The following ANO4 variants were observed in gnomAD, a reference collection of about 807,000 sequenced individuals.
ANO4 encodes anoctamin 4, also known as anoctamin-4.
Under a neutral mutation model 141.9 loss-of-function variants are expected in ANO4, and 69 were observed. The observed-to-expected ratio is 0.49, with a 90% CI of 0.40 to 0.59. The LOEUF is 0.59. Ranked by LOEUF, ANO4 falls within the 20% of genes least tolerant of loss-of-function variation. The pLI is 0.00. For missense variants in ANO4, 894 were observed against 1,162.2 expected (o/e 0.77, Z 3.36); for synonymous variants, 350 against 394.3 (o/e 0.89, Z 1.33).
rs562113979 is a variant in ANO4, at chr12:100,951,086, A to G, written c.456+8551A>G. Among the ~76,000 whole-genome samples the G allele has an allele frequency of 4.6e-5, 7 of 152,346 alleles. No individual in the cohort carries two copies. The South Asian group carries it at 1.5e-3, about 32-fold the overall frequency. The stretch of plus-strand genomic sequence containing the variant: ...TGGCCAACAAGCATATTAAAAGCTC[A>G]ATATCACTAATCATTAGAGAAATGT... On this transcript the variant is annotated intron_variant, in intron 5 of 27. Transcript: ENST00000392977.
At chr12:100,959,843 C>T (rs2043334195) in intron 5 of ANO4, among the ~76,000 whole-genome samples, 2 of 152,158 alleles carry the variant, frequency 1.3e-5, no homozygotes, top group African/African-American at 2.4e-5. Context: ...GTATCTCCAT[C>T]TTCCTGTGAC....
intron 3 of ANO4, among the ~76,000 whole-genome samples, chr12:100,742,834 G>A (rs1421676915): frequency 6.6e-6 from 1 of 152,078 alleles, no homozygotes; most frequent in Non-Finnish European, 1.5e-5. Context: ...CCTTCATTGT[G>A]TGACTAACTT....
chr12:100,865,645 G>A lies in ANO4; in HGVS notation c.-140-36001G>A, dbSNP rs527258479. On this transcript the variant is annotated intron_variant, in intron 1 of 27. Coordinates refer to ENST00000392977, the MANE Select transcript of ANO4 (RefSeq NM_001286615.2). ...CAGTTAGAATGGTGATCATTAAAAA[G>A]TCAGGAAACAAAATTTGCATTTTAT... Among the ~76,000 whole-genome samples, 44 of 152,234 alleles carry A rather than the reference G, an allele frequency of 2.9e-4. No individual in the cohort carries two copies. The East Asian group carries it at 5.8e-3, about 20-fold the overall frequency.
chr12:101,013,650 A>C (rs997707671), intron 8 of ANO4, among the ~76,000 whole-genome samples: 1 of 152,276 alleles, frequency 6.6e-6, no homozygotes, highest in South Asian at 2.1e-4. Flanking sequence ...TAGCTACTTA[A>C]ATTTAATTTT....
chr12:100,989,621 A>ATGGATG (rs2044958441), intron 8 of ANO4, among the ~76,000 whole-genome samples: 1 of 103,196 alleles, frequency 9.7e-6, no homozygotes, highest in African/African-American at 3.4e-5. Flanking sequence ...ATGGATGGAT[A>ATGGATG]GATGGATGGA....
intron 1 of ANO4, among the ~76,000 whole-genome samples, chr12:100,819,156 T>C (rs1169844097): frequency 1.3e-5 from 2 of 151,808 alleles, no homozygotes; most frequent in Non-Finnish European, 2.9e-5. Flanking sequence ...GATGCAATAG[T>C]AATTTTCAAT....
chr12:100,927,199 G>T (rs563550832), intron 3 of ANO4, among the ~76,000 whole-genome samples: 1 of 152,206 alleles, frequency 6.6e-6, no homozygotes, highest in Non-Finnish European at 1.5e-5. Context: ...TAGGACCTTT[G>T]CACAGTTCTG....
At chr12:100,918,765 C>T (rs1366379664) in intron 2 of ANO4, among the ~76,000 whole-genome samples, 1 of 152,000 alleles carries the variant, frequency 6.6e-6, no homozygotes, top group Admixed American at 6.6e-5. Context: ...CTTATATACT[C>T]TACCTTTTAT....
intron 1 of ANO4, among the ~76,000 whole-genome samples, chr12:100,812,302 G>A (rs1475356742): frequency 2.6e-5 from 4 of 152,092 alleles, no homozygotes; most frequent in African/African-American, 4.8e-5. Context: ...CCTGATGATG[G>A]TGCCTTGTGT....
intron 3 of ANO4, among the ~76,000 whole-genome samples, chr12:100,935,255 A>G (rs1480820480): frequency 4.6e-5 from 7 of 152,176 alleles, no homozygotes; most frequent in African/African-American, 1.7e-4. Context: ...TATTATTTTG[A>G]GATACATTCC....
chr12:100,907,039 T>C (rs1373772327), intron 2 of ANO4, among the ~76,000 whole-genome samples: 1 of 152,186 alleles, frequency 6.6e-6, no homozygotes, highest in Non-Finnish European at 1.5e-5. Context: ...TTGTCTTCAG[T>C]GGTTCTCTCA....
intron 8 of ANO4, among the ~76,000 whole-genome samples, chr12:100,987,937 A>C (rs2044793293): frequency 6.6e-6 from 1 of 152,216 alleles, no homozygotes; most frequent in Admixed American, 6.5e-5. Flanking sequence ...ACAGAAAGGC[A>C]GTGACCCAGG....
In ANO4 at chr12:100,824,679, G is replaced by A. The variant is rs555999852; in HGVS notation, c.-141+29652G>A. Reference sequence around the variant, plus strand: ...AACACCCAAATGTGTGATGCATAAAGCAACATTGGCAGCCAGTGGGGAAGA... The same window carrying A: ...AACACCCAAATGTGTGATGCATAAAACAACATTGGCAGCCAGTGGGGAAGA... On this transcript the variant is annotated intron_variant, in intron 1 of 27. Transcript: ENST00000392977. Among the ~76,000 whole-genome samples, 16 of 152,106 alleles carry A rather than the reference G, an allele frequency of 1.1e-4. 1 individual carries two copies. The East Asian group carries it at 1.8e-3, about 17-fold the overall frequency.
At chr12:100,955,901 C>G (rs1223203084) in intron 5 of ANO4, among the ~76,000 whole-genome samples, 1 of 152,172 alleles carries the variant, frequency 6.6e-6, no homozygotes, top group Non-Finnish European at 1.5e-5. Context: ...TAGGGCTCCT[C>G]TGTGCACCTC....
intron 1 of ANO4, among the ~76,000 whole-genome samples, chr12:100,819,621 T>G (rs1011466593): frequency 1.3e-5 from 2 of 151,990 alleles, no homozygotes; most frequent in African/African-American, 4.8e-5. Flanking sequence ...TGGTAATTAG[T>G]GATGATAGGT....
At chr12:100,966,814 C>CAT (rs1174647442) in intron 5 of ANO4, among the ~76,000 whole-genome samples, 1 of 142,354 alleles carries the variant, frequency 7.0e-6, no homozygotes, top group Non-Finnish European at 1.5e-5. Context: ...TACACACACA[C>CAT]ACATATATAT....
In ANO4 at chr12:101,048,373, CTTCTT is replaced by C; in HGVS notation, c.1286_1290del (p.Phe429CysfsTer25). The C allele has an allele frequency of 6.2e-7, 1 of 1,613,798 alleles. No homozygotes were observed. The highest frequency in any genetic ancestry group is 8.5e-7 in the Non-Finnish European group (1 of 1,179,798). On this transcript the variant is annotated frameshift_variant, in exon 14 of 28. Coordinates refer to ENST00000392977, the MANE Select transcript of ANO4 (RefSeq NM_001286615.2). LOFTEE classifies it high-confidence loss of function. ...ACCTTTTTGACAATGGAGCCACTGT[CTTCTT>C]TGCTGTTTTCATGGCAGTCTGGGGT...
At chr12:101,051,180 G>A (rs2047853144) in intron 14 of ANO4, among the ~76,000 whole-genome samples, 1 of 152,264 alleles carries the variant, frequency 6.6e-6, no homozygotes, top group South Asian at 2.1e-4. Context: ...TTATGTTATA[G>A]ATGACAAATA....
At chr12:100,943,880 C>G (rs954649076) in intron 5 of ANO4, among the ~76,000 whole-genome samples, 1 of 152,070 alleles carries the variant, frequency 6.6e-6, no homozygotes, top group South Asian at 2.1e-4. Context: ...CTTAATCATG[C>G]CTTCTTCTTT....
Sources: allele counts gnomAD v4.1 joint callset (sites outside exome capture counted in the v4.1 genomes callset), GRCh38; gene constraint gnomAD v4.1.1; transcripts MANE v1.5; gene names NCBI Gene and HGNC (gene_info 2026-07-23, HGNC 2026-07-21).